The following KCNH1 variants were observed in gnomAD, a reference collection of about 807,000 sequenced individuals.
KCNH1 encodes the protein voltage-gated delayed rectifier potassium channel KCNH1.
KCNH1 carries 27 observed loss-of-function variants against 69.2 expected under a neutral mutation model. The ratio of observed to expected loss-of-function variants is 0.39; its 90% CI spans 0.29 to 0.54. The LOEUF is 0.54. Ranked by LOEUF, KCNH1 falls within the 20% of genes least tolerant of loss-of-function variation. The probability of loss-of-function intolerance (pLI) is 0.68; values close to 1 mark genes in which losing one functional copy is unlikely to be tolerated. For missense variants in KCNH1, 798 were observed against 1,261.6 expected (o/e 0.63, Z 5.57); for synonymous variants, 456 against 487.7 (o/e 0.93, Z 0.86).
intron 7 of KCNH1, among the ~76,000 whole-genome samples, chr1:210,876,791 A>C (rs985321722): frequency 6.6e-6 from 1 of 152,152 alleles, no homozygotes; most frequent in Non-Finnish European, 1.5e-5. Context: ...AGTGAAGGAC[A>C]TCTAGTTTTC....
chr1:210,745,005 C>T (rs1370358236), intron 10 of KCNH1, among the ~76,000 whole-genome samples: 1 of 101,582 alleles, frequency 9.8e-6, no homozygotes, highest in Non-Finnish European at 2.1e-5. Flanking sequence ...GAATTCGAGA[C>T]CAGCCTGGCC....
chr1:211,018,554 G>A (rs1451786173), intron 6 of KCNH1, among the ~76,000 whole-genome samples: 1 of 152,194 alleles, frequency 6.6e-6, no homozygotes, highest in African/African-American at 2.4e-5. Flanking sequence ...CATTCCACGT[G>A]GAGTAGGAGT....
At chr1:210,993,537 T>C (rs140547341) in intron 6 of KCNH1, among the ~76,000 whole-genome samples, 10 of 152,334 alleles carry the variant, frequency 6.6e-5, no homozygotes, top group Admixed American at 2.0e-4. Flanking sequence ...GAGATACACT[T>C]CAGCTAATGT....
intron 7 of KCNH1, among the ~76,000 whole-genome samples, chr1:210,815,381 A>G (rs1307193187): frequency 1.3e-5 from 2 of 152,222 alleles, no homozygotes; most frequent in Non-Finnish European, 2.9e-5. Context: ...TCTACTGGAC[A>G]GGACAATGGC....
intron 6 of KCNH1, among the ~76,000 whole-genome samples, chr1:210,930,167 A>C (rs1687653763): frequency 6.6e-6 from 1 of 152,210 alleles, no homozygotes; most frequent in Admixed American, 6.5e-5. Flanking sequence ...TCTTCACAGA[A>C]CTAGAAAAAA....
chr1:210,695,850 G>A (rs764845387), intron 10 of KCNH1, among the ~76,000 whole-genome samples: 6 of 152,202 alleles, frequency 3.9e-5, no homozygotes, highest in Non-Finnish European at 8.8e-5. Flanking sequence ...CACTCCGCTG[G>A]CTGGGCACTG....
At chr1:211,061,706 G>T (rs147290594) in intron 5 of KCNH1, among the ~76,000 whole-genome samples, 5 of 151,946 alleles carry the variant, frequency 3.3e-5, no homozygotes, top group Admixed American at 2.0e-4. Flanking sequence ...TCAAGAAAGC[G>T]ATTCCATTTG....
intron 7 of KCNH1, among the ~76,000 whole-genome samples, chr1:210,845,132 C>T (rs1011240184): frequency 1.6e-4 from 25 of 152,238 alleles, no homozygotes; most frequent in Non-Finnish European, 2.5e-4. Context: ...GATTCACAGC[C>T]GAATTCTACC....
chr1:210,925,942 T>C (rs957078150), intron 6 of KCNH1, among the ~76,000 whole-genome samples: 1 of 152,214 alleles, frequency 6.6e-6, no homozygotes, highest in South Asian at 2.1e-4. Flanking sequence ...TGCCATCTCC[T>C]GGCTGGAGGC....
chr1:210,695,934 G>A (rs1681629733), intron 10 of KCNH1, among the ~76,000 whole-genome samples: 1 of 152,226 alleles, frequency 6.6e-6, no homozygotes, highest in Non-Finnish European at 1.5e-5. Context: ...CTGGCAGACT[G>A]ACAGGCGGGA....
At chr1:211,021,343 G>A (rs1689583765) in intron 5 of KCNH1, among the ~76,000 whole-genome samples, 1 of 152,046 alleles carries the variant, frequency 6.6e-6, no homozygotes, top group Admixed American at 6.6e-5. Context: ...GACCTTACTT[G>A]ATAAACCCAC....
At chr1:210,726,811 G>A (rs67021206) in intron 10 of KCNH1, among the ~76,000 whole-genome samples, 16,947 of 149,748 alleles carry the variant, frequency 0.11, 1,542 homozygotes, top group African/African-American at 0.27. Flanking sequence ...GTTCCCCGGC[G>A]GGGGTGGGGT....
intron 10 of KCNH1, among the ~76,000 whole-genome samples, chr1:210,707,573 T>TGTAA (rs2149014614): frequency 1.3e-5 from 2 of 152,102 alleles, no homozygotes; most frequent in South Asian, 4.2e-4. Flanking sequence ...AGAGCTTAGG[T>TGTAA]GTAAGTAAGT....
chr1:210,681,631 G>A lies in KCNH1; in HGVS notation c.*1650C>T. 1 of 152,594 alleles carries A rather than the reference G, an allele frequency of 6.6e-6. No individual in the cohort carries two copies. Among genetic ancestry groups the A allele is most frequent in the Non-Finnish European group, 1.5e-5 (1 of 68,252 alleles). 9.5% of individuals were successfully genotyped at this position (152,594 alleles called of 1,614,324 possible). On this transcript the variant is annotated 3_prime_UTR_variant, in exon 11 of 11. Coordinates refer to ENST00000271751, the MANE Select transcript of KCNH1 (RefSeq NM_172362.3). ...GTGGGGTGGGGTGGGGTGGTGGGCAGTCTCAGACCGGAGGCTCTCAGAAAC... is the reference window on the plus strand; with the variant it reads ...GTGGGGTGGGGTGGGGTGGTGGGCAATCTCAGACCGGAGGCTCTCAGAAAC...
At chr1:211,005,282 A>T (rs1689259966) in intron 6 of KCNH1, among the ~76,000 whole-genome samples, 3 of 152,166 alleles carry the variant, frequency 2.0e-5, no homozygotes. Flanking sequence ...TTAAATCCAA[A>T]ATGGAAAATT....
chr1:210,771,447 C>T lies in KCNH1; in HGVS notation c.2112+3901G>A, dbSNP rs138526245. 4.7e-3 allele frequency among the ~76,000 whole-genome samples: 709 copies of T among 152,318 alleles called. 4 individuals carry two copies. Among genetic ancestry groups the T allele is most frequent in the African/African-American group, 0.016 (671 of 41,570 alleles). On this transcript the variant is annotated intron_variant, in intron 10 of 10. Transcript: ENST00000271751. ...CAGCAATGGATTCCACTTCCCAGAG[C>T]GACTGATCCCTCCTTTGCTGCAAGA...
intron 7 of KCNH1, among the ~76,000 whole-genome samples, chr1:210,918,540 C>T (rs1010097911): frequency 2.0e-5 from 3 of 151,888 alleles, no homozygotes; most frequent in African/African-American, 4.9e-5. Context: ...TTGTTGTCTA[C>T]AGCCAAAAAA....
intron 5 of KCNH1, among the ~76,000 whole-genome samples, chr1:211,074,953 C>T (rs1433801078): frequency 6.6e-6 from 1 of 152,262 alleles, no homozygotes; most frequent in Middle Eastern, 3.4e-3. Flanking sequence ...TATTAAGTAT[C>T]CTACCAGCTC....
intron 7 of KCNH1, chr1:210,860,995 T>C: frequency 9.4e-7 from 1 of 1,060,792 alleles, no homozygotes. Flanking sequence ...CTCCATCTTT[T>C]TTTCAAAGGT....
Sources: allele counts gnomAD v4.1 joint callset (sites outside exome capture counted in the v4.1 genomes callset), GRCh38; gene constraint gnomAD v4.1.1; transcripts MANE v1.5; gene names NCBI Gene and HGNC (gene_info 2026-07-23, HGNC 2026-07-21).